The following RNF103 variants were observed in gnomAD, a reference collection of about 807,000 sequenced individuals.
The protein encoded by RNF103 is ring finger protein 103, also known as E3 ubiquitin-protein ligase RNF103.
In RNF103, 23 loss-of-function variants were observed where a neutral mutation model predicts 66.2. That is an observed-to-expected ratio of 0.35 (90% confidence interval 0.25 to 0.49). RNF103 has a LOEUF of 0.49. RNF103 is among the 20% of genes least tolerant of loss of function. The pLI is 0.98. For synonymous variants in RNF103, 297 were observed against 289.9 expected, an observed-to-expected ratio of 1.02 and a Z score of -0.25; for missense variants, 730 against 814.7, an observed-to-expected ratio of 0.90 and a Z score of 1.27.
Position 86,623,373 on chromosome 2 carries a change from TGGGGGCCGG to T in RNF103, c.-496_-488del. The stretch of plus-strand genomic sequence containing the variant: ...CGGCAGGCCGGGGCCCGAGGGGCCG[TGGGGGCCGG>T]ACTCCCGCGGCCGCGGGTCAGGAGG... On this transcript the variant is annotated 5_prime_UTR_variant, in exon 1 of 4. Coordinates refer to ENST00000237455, the MANE Select transcript of RNF103 (RefSeq NM_005667.4). 1 of 978,630 alleles carries T rather than the reference TGGGGGCCGG, an allele frequency of 1.0e-6. No homozygotes were observed. The highest frequency in any genetic ancestry group is 1.8e-5 in the African/African-American group (1 of 56,712). 60.6% of individuals were successfully genotyped at this position (978,630 alleles called of 1,614,324 possible). A position where few individuals can be genotyped will look rare whatever the true frequency, so the allele number is the denominator to read the frequency against.
chr2:86,612,494 C>T lies in RNF103; in HGVS notation c.367-220G>A, dbSNP rs1424154221. ...GAAACGTAAATTAAACTCTCCCACA[C>T]TCTGTGGCAGTTACAAAGAGAGGGA... On this transcript the variant is annotated intron_variant, in intron 2 of 3. Transcript: ENST00000237455. The T allele has an allele frequency of 8.3e-5, 34 of 408,536 alleles. 1 individual carries two copies. Among genetic ancestry groups the T allele is most frequent in the South Asian group, 4.9e-4 (13 of 26,362 alleles). 25.3% of individuals were successfully genotyped at this position (408,536 alleles called of 1,614,324 possible).
intron 2 of RNF103, chr2:86,617,473 G>T: frequency 2.2e-6 from 1 of 450,012 alleles, no homozygotes; most frequent in Non-Finnish European, 2.9e-6. Flanking sequence ...TTTATTAGTT[G>T]TTGTTGTTAC....
At chr2:86,617,379 T>C (rs1170575065) in intron 2 of RNF103, 2 of 799,832 alleles carry the variant, frequency 2.5e-6, no homozygotes, top group Admixed American at 6.2e-5. Context: ...AGTCCGAAAA[T>C]ACTACATACA....
chr2:86,617,130 T>G (rs1015085911), intron 2 of RNF103: 1 of 985,284 alleles, frequency 1.0e-6, no homozygotes, highest in African/African-American at 1.7e-5. Context: ...ATGTCATATG[T>G]ATGTTGCTAC....
At chr2:86,617,488 CCTAA>C (rs1248473917) in intron 2 of RNF103, 1 of 437,566 alleles carries the variant, frequency 2.3e-6, no homozygotes, top group Non-Finnish European at 3.0e-6. Flanking sequence ...TGTTACTGTG[CCTAA>C]CTTACACATT....
At chr2:86,613,691 ACCT>A (rs769464811) in intron 2 of RNF103, 1 of 152,126 alleles carries the variant, frequency 6.6e-6, no homozygotes, top group Admixed American at 6.6e-5. Flanking sequence ...TGGTGCAGCC[ACCT>A]CATCTGTGGC....
At position 86,604,384 on chromosome 2, in the gene RNF103, G is replaced by A. The variant is rs1424046863; in HGVS notation, c.1517C>T (p.Thr506Ile). The A allele has an allele frequency of 6.2e-7, 1 of 1,614,196 alleles. No individual in the cohort carries two copies. The highest frequency in any genetic ancestry group is 1.1e-5 in the South Asian group (1 of 91,084). Residue 506 changes from threonine to isoleucine, a missense_variant, in exon 4 of 4, where the codon ACT becomes ATT. Transcript: ENST00000237455. The part of the protein sequence containing the change: ...PDLWLHPLIP[T>I]DYIKNLPMWR... ...CATTGGTAAGTTTTTAATATAATCA[G>A]TTGGTATCAGAGGGTGAAGCCAAAG...
chr2:86,613,504 A>C (rs1678884762), intron 2 of RNF103: 1 of 152,200 alleles, frequency 6.6e-6, no homozygotes, highest in Non-Finnish European at 1.5e-5. Context: ...GTTTATTTTC[A>C]TAAATGTTAT....
At chr2:86,616,148 T>C (rs1389629945) in intron 2 of RNF103, among the ~76,000 whole-genome samples, 1 of 152,222 alleles carries the variant, frequency 6.6e-6, no homozygotes, top group Admixed American at 6.5e-5. Flanking sequence ...TTTAATTCAG[T>C]GCATTTTAAA....
At chr2:86,614,981 C>G (rs1678961805) in intron 2 of RNF103, 5 of 985,416 alleles carry the variant, frequency 5.1e-6, no homozygotes, top group Non-Finnish European at 6.0e-6. Flanking sequence ...TATTTAGTTC[C>G]TAAGTCTGGA....
chr2:86,623,048 G>C lies in RNF103; in HGVS notation c.-162C>G. ...CCGGCCATCCCCGGCGGGGAAGCAGGTGACGGGATCCGCGCGGGCGCGAGG... is the reference window on the plus strand; with the variant it reads ...CCGGCCATCCCCGGCGGGGAAGCAGCTGACGGGATCCGCGCGGGCGCGAGG... On this transcript the variant is annotated 5_prime_UTR_variant, in exon 1 of 4. Transcript: ENST00000237455. The C allele has an allele frequency of 1.5e-6, 2 of 1,338,316 alleles. No individual in the cohort carries two copies. Among genetic ancestry groups the C allele is most frequent in the Non-Finnish European group, 1.9e-6 (2 of 1,051,450 alleles). 82.9% of individuals were successfully genotyped at this position (1,338,316 alleles called of 1,614,324 possible). A position where few individuals can be genotyped will look rare whatever the true frequency, so the allele number is the denominator to read the frequency against.
At position 86,622,754 on chromosome 2, in the gene RNF103, AG is replaced by A; in HGVS notation, c.132del (p.Phe45SerfsTer4). On this transcript the variant is annotated frameshift_variant, in exon 1 of 4. Coordinates refer to ENST00000237455, the MANE Select transcript of RNF103 (RefSeq NM_005667.4). LOFTEE classifies it high-confidence loss of function. The stretch of plus-strand genomic sequence containing the variant: ...TCCAAAATGGTCTTCAGCTTCTTGA[AG>A]CTCAGCGCCACCGGATCCACCAGCT... ...ATQLVDPVAL[S>X]FKKLKTILEC... is the part of the protein sequence containing the mutation. 1 of 1,614,150 alleles carries A rather than the reference AG, an allele frequency of 6.2e-7. No homozygotes were observed. The highest frequency in any genetic ancestry group is 8.5e-7 in the Non-Finnish European group (1 of 1,180,008).
chr2:86,606,769 T>C (rs1175564912), intron 3 of RNF103, among the ~76,000 whole-genome samples: 1 of 151,954 alleles, frequency 6.6e-6, no homozygotes, highest in Non-Finnish European at 1.5e-5. Flanking sequence ...TATTTTTTAA[T>C]TTTTAGTTAT....
Position 86,605,111 on chromosome 2 carries a change from T to C in RNF103, c.790A>G (p.Ile264Val), listed in dbSNP as rs751269603. 1.2e-6 allele frequency: 2 copies of C among 1,613,712 alleles called. No homozygotes were observed. The highest frequency in any genetic ancestry group is 1.3e-5 in the African/African-American group (1 of 74,892). Residue 264 changes from isoleucine (I) to valine (V), a missense_variant, in exon 4 of 4, where the codon ATT becomes GTT. Physicochemically the swap from Ile to Val is conservative, Grantham distance 29 (BLOSUM62 3). This residue lies in a region of RNF103 where 327 missense variants were observed against 369.8 expected (regional missense o/e 0.88). Coordinates refer to ENST00000237455, the MANE Select transcript of RNF103 (RefSeq NM_005667.4). ...TCCCAATTTTCTACATTAACAAAAA[T>C]AAACTCAACTCTTCCAGTAAACTTT... The part of the protein sequence containing the change: ...SIKFTGRVEF[I>V]FVNVENWDNK...
chr2:86,606,959 T>C (rs897420698), intron 3 of RNF103, among the ~76,000 whole-genome samples: 1 of 152,006 alleles, frequency 6.6e-6, no homozygotes, highest in African/African-American at 2.4e-5. Flanking sequence ...TTAAAAGAAT[T>C]TTTTGTAGAG....
At chr2:86,615,240 G>T (rs950608294) in intron 2 of RNF103, 121 of 985,188 alleles carry the variant, frequency 1.2e-4, no homozygotes, top group Non-Finnish European at 1.4e-4. Context: ...AGAGTTTAAG[G>T]ATCCCTGACT....
At position 86,622,901 on chromosome 2, in the gene RNF103, C is replaced by T. The variant is rs1005145159; in HGVS notation, c.-15G>A. 3.6e-5 allele frequency: 56 copies of T among 1,571,792 alleles called. No homozygotes were observed. The highest frequency in any genetic ancestry group is 4.8e-5 in the Non-Finnish European group (56 of 1,158,314). On this transcript the variant is annotated 5_prime_UTR_variant, in exon 1 of 4. Coordinates refer to ENST00000237455, the MANE Select transcript of RNF103 (RefSeq NM_005667.4). ...TTCAGCCACATCTTCCCTGGAGTTTCCTCTCTTTCCAGAGAGCTCGGAATA... is the reference window on the plus strand; with the variant it reads ...TTCAGCCACATCTTCCCTGGAGTTTTCTCTCTTTCCAGAGAGCTCGGAATA...
At position 86,623,826 on chromosome 2, in the gene RNF103, C is replaced by G. The variant is rs1010210086; in HGVS notation, c.-940G>C. 7.8e-7 allele frequency: 1 copy of G among 1,288,010 alleles called. No homozygotes were observed. Among genetic ancestry groups the G allele is most frequent in the Non-Finnish European group, 1.0e-6 (1 of 988,404 alleles). 79.8% of individuals were successfully genotyped at this position (1,288,010 alleles called of 1,614,324 possible). ...AGACCGCGGCCGTACCCTCCACAAC[C>G]GTGTATCAGCGGCGGCCGCGGCCGG... On this transcript the variant is annotated 5_prime_UTR_variant, in exon 1 of 4. Coordinates refer to ENST00000237455, the MANE Select transcript of RNF103 (RefSeq NM_005667.4).
intron 2 of RNF103, chr2:86,614,642 G>A: frequency 2.9e-5 from 15 of 518,288 alleles, no homozygotes; most frequent in Non-Finnish European, 3.5e-5. Context: ...TAGAAAATTA[G>A]GAAGATCAAG....
Sources: gnomAD v4.1 joint callset for allele counts (sites outside exome capture counted in the v4.1 genomes callset) on GRCh38, gnomAD v4.1.1 for gene constraint, gnomAD v4.1.1 regional missense constraint, MANE v1.5 for transcripts, NCBI Gene and HGNC (gene_info 2026-07-23, HGNC 2026-07-21) for gene names.